Variants in SLC16A12 observed in about 807,000 individuals in gnomAD.
SLC16A12 encodes the protein monocarboxylate transporter 12.
SLC16A12 carries 17 observed loss-of-function variants against 42.4 expected under a neutral mutation model. The observed-to-expected ratio is 0.40, with a 90% CI of 0.27 to 0.60. SLC16A12 has a LOEUF of 0.60. Among genes scored for constraint, SLC16A12 ranks in the 20% least tolerant of loss-of-function variants. The pLI, the probability that SLC16A12 is intolerant of heterozygous loss-of-function variation, is 0.42. For synonymous variants in SLC16A12, 224 were observed against 229.4 expected, an observed-to-expected ratio of 0.98 and a Z score of 0.21; for missense variants, 544 against 623.0, an observed-to-expected ratio of 0.87 and a Z score of 1.35.
At chr10:89,433,495 C>T (rs537600157) in intron 7 of SLC16A12, among the ~76,000 whole-genome samples, 169 bp from the exon 8 acceptor site, 1 of 152,154 alleles carries the variant, frequency 6.6e-6, no homozygotes, top group Non-Finnish European at 1.5e-5. Context: ...CTGAAAAATA[C>T]ATTCTGTTTT....
chr10:89,490,825 T>C (rs1353665977), intron 2 of SLC16A12, among the ~76,000 whole-genome samples: 1 of 152,138 alleles, frequency 6.6e-6, no homozygotes, highest in Non-Finnish European at 1.5e-5. Flanking sequence ...TTGCTGAAAG[T>C]CCAACCCTTT....
chr10:89,475,661 A>G (rs1255034767), intron 2 of SLC16A12, among the ~76,000 whole-genome samples: 1 of 152,128 alleles, frequency 6.6e-6, no homozygotes, highest in Admixed American at 6.5e-5. Flanking sequence ...TCAACCAGAA[A>G]TTTTTGGATG....
intron 2 of SLC16A12, among the ~76,000 whole-genome samples, chr10:89,468,797 G>C (rs139914172): frequency 6.6e-6 from 1 of 152,224 alleles, no homozygotes; most frequent in African/African-American, 2.4e-5. Flanking sequence ...TAACCCACCT[G>C]ACAAGAGACA....
chr10:89,525,860 G>A (rs1171978437), intron 2 of SLC16A12, among the ~76,000 whole-genome samples: 3 of 152,150 alleles, frequency 2.0e-5, no homozygotes, highest in Non-Finnish European at 2.9e-5. Context: ...GTTCCACAAG[G>A]GAGAACTAAG....
chr10:89,478,998 C>G (rs941201122), intron 2 of SLC16A12, among the ~76,000 whole-genome samples: 6 of 152,214 alleles, frequency 3.9e-5, no homozygotes, highest in Admixed American at 3.9e-4. Context: ...CCGTCCTAGC[C>G]TGGCTTGTTC....
intron 2 of SLC16A12, among the ~76,000 whole-genome samples, chr10:89,534,003 G>C (rs569239349): frequency 1.8e-4 from 27 of 152,328 alleles, no homozygotes; most frequent in African/African-American, 6.5e-4. Flanking sequence ...TTAACAGTAT[G>C]AATTCAGCCA....
intron 2 of SLC16A12, among the ~76,000 whole-genome samples, chr10:89,486,776 A>T (rs1369089048): frequency 3.3e-5 from 5 of 152,164 alleles, no homozygotes; most frequent in Non-Finnish European, 7.3e-5. Context: ...GGAAATGAAT[A>T]TCACAGAAAA....
intron 2 of SLC16A12, among the ~76,000 whole-genome samples, chr10:89,548,525 A>G (rs1041486103): frequency 6.6e-6 from 1 of 152,060 alleles, no homozygotes; most frequent in Admixed American, 6.6e-5. Context: ...TAAAAAAAAA[A>G]CGCAGTCGCG....
chr10:89,518,606 A>T (rs1242778490), intron 2 of SLC16A12, among the ~76,000 whole-genome samples: 1 of 152,240 alleles, frequency 6.6e-6, no homozygotes, highest in Non-Finnish European at 1.5e-5. Flanking sequence ...CTGGAAAAAG[A>T]AACGAAGAAA....
chr10:89,503,633 G>GA (rs1400707312), intron 2 of SLC16A12, among the ~76,000 whole-genome samples: 2 of 152,212 alleles, frequency 1.3e-5, no homozygotes, highest in Non-Finnish European at 2.9e-5. Flanking sequence ...GTAGTAGCCT[G>GA]AAAAGACCAT....
rs530414705 is a variant in SLC16A12 at position 89,524,410 on chromosome 10, A to C, written c.-47+10091T>G. ...TCTAGCCTTCTCCAGACCCCTGGCC[A>C]CACATATTCCCTACCTGTCAGCCAT... On this transcript the variant is annotated intron_variant, in intron 2 of 7. Transcript: ENST00000371790. 2.6e-5 allele frequency among the ~76,000 whole-genome samples: 4 copies of C among 152,290 alleles called. No homozygotes were observed. In the South Asian group the frequency reaches 8.3e-4, roughly 32 times the overall value.
At chr10:89,546,506 T>C (rs1253416900) in intron 2 of SLC16A12, among the ~76,000 whole-genome samples, 1 of 152,226 alleles carries the variant, frequency 6.6e-6, no homozygotes, top group African/African-American at 2.4e-5. Flanking sequence ...CCAGTCAGAA[T>C]GGCGATTATT....
chr10:89,495,232 T>C (rs1842907545), intron 2 of SLC16A12, among the ~76,000 whole-genome samples: 1 of 152,162 alleles, frequency 6.6e-6, no homozygotes, highest in Non-Finnish European at 1.5e-5. Context: ...TGTGCGCCTG[T>C]AGTCCCAGCT....
chr10:89,461,542 T>C (rs1842300455), intron 3 of SLC16A12, among the ~76,000 whole-genome samples: 1 of 152,206 alleles, frequency 6.6e-6, no homozygotes. Flanking sequence ...TGTCACCTGG[T>C]ACCCCTTTTC....
At chr10:89,536,325 G>C (rs1223244247), upstream of SLC16A12, among the ~76,000 whole-genome samples, 1 of 152,148 alleles carries the variant, frequency 6.6e-6, no homozygotes, top group Non-Finnish European at 1.5e-5. Flanking sequence ...GAATGCTAGT[G>C]AAAAGCGTTA....
Position 89,433,323 on chromosome 10 carries a change from C to T in SLC16A12, c.1292G>A (p.Arg431Gln), listed in dbSNP as rs755944426. Residue 431 changes from arginine to glutamine, a missense_variant, in exon 8 of 8, where the codon CGG (arginine) becomes CAG (glutamine). Physicochemically the swap from Arg to Gln is conservative, Grantham distance 43. Coordinates refer to ENST00000371790, the MANE Select transcript of SLC16A12 (RefSeq NM_213606.4). ...GTAGCTGCCGGTGGTATCTACCAGC[C>T]GTCCTGTAACAAACAACAGCAAAAT... ...PYLVSPPIAG[R>Q]LVDTTGSYTA... is the part of the protein sequence containing the mutation. 1.5e-5 allele frequency: 25 copies of T among 1,613,482 alleles called. No individual in the cohort carries two copies. The highest frequency in any genetic ancestry group is 2.1e-5 in the Non-Finnish European group (25 of 1,179,978).
chr10:89,477,134 G>T (rs887369533), intron 2 of SLC16A12, among the ~76,000 whole-genome samples: 20 of 152,190 alleles, frequency 1.3e-4, no homozygotes, highest in Admixed American at 1.3e-3. Flanking sequence ...TTCCTATCCT[G>T]ATAGAAATAG....
intron 2 of SLC16A12, among the ~76,000 whole-genome samples, chr10:89,477,340 G>A (rs563011924): frequency 2.0e-5 from 3 of 152,056 alleles, no homozygotes; most frequent in African/African-American, 2.4e-5. Flanking sequence ...CGAGGTGGGC[G>A]GATCACTTGA....
intron 2 of SLC16A12, among the ~76,000 whole-genome samples, chr10:89,550,852 G>A (rs939873947): frequency 4.6e-5 from 7 of 152,118 alleles, no homozygotes; most frequent in Non-Finnish European, 7.4e-5. Flanking sequence ...AATGTTAATT[G>A]CATTTTGTTG....
Sources: gnomAD v4.1 joint callset for allele counts (sites outside exome capture counted in the v4.1 genomes callset) on GRCh38, gnomAD v4.1.1 for gene constraint, MANE v1.5 for transcripts, NCBI Gene and HGNC (gene_info 2026-07-23, HGNC 2026-07-21) for gene names.